Variants in ADK observed in about 807,000 individuals in gnomAD.
ADK encodes N6,N6-dimethyladenosine kinase.
Under a neutral mutation model 44.7 loss-of-function variants are expected in ADK, and 24 were observed. That is an observed-to-expected ratio of 0.54 (90% CI 0.39 to 0.76). The LOEUF is 0.76. ADK is among the 30% of genes least tolerant of loss of function. ADK has a pLI of 0.00. For missense variants in ADK, 321 were observed against 425.1 expected (o/e 0.76, Z 2.15); for synonymous variants, 128 against 142.6 (o/e 0.90, Z 0.73).
intron 7 of ADK, among the ~76,000 whole-genome samples, chr10:74,541,161 C>G (rs1428115278): frequency 1.3e-5 from 2 of 151,986 alleles, no homozygotes; most frequent in Non-Finnish European, 2.9e-5. Flanking sequence ...GTTACAAGTT[C>G]CTGCCACCAT....
chr10:74,428,507 TAAAG>T (rs1439257435), intron 6 of ADK, among the ~76,000 whole-genome samples: 3 of 152,296 alleles, frequency 2.0e-5, no homozygotes, highest in East Asian at 3.9e-4. Context: ...CTGTTGGAAA[TAAAG>T]AACTTTATAA....
chr10:74,236,332 G>A (rs768477278), intron 3 of ADK, among the ~76,000 whole-genome samples: 5 of 152,162 alleles, frequency 3.3e-5, no homozygotes, highest in African/African-American at 4.8e-5. Context: ...AAATTTAACT[G>A]TATTTTCTTC....
intron 4 of ADK, among the ~76,000 whole-genome samples, chr10:74,315,836 G>A (rs903961019): frequency 5.9e-5 from 9 of 152,082 alleles, no homozygotes; most frequent in South Asian, 4.2e-4. Flanking sequence ...TCTTTAAGGC[G>A]GTCATTAATA....
At chr10:74,543,005 A>C (rs1849695511) in intron 7 of ADK, among the ~76,000 whole-genome samples, 1 of 151,338 alleles carries the variant, frequency 6.6e-6, no homozygotes, top group Non-Finnish European at 1.5e-5. Flanking sequence ...GGTTCAAGGG[A>C]TTCTCCTGCC....
At position 74,167,204 on chromosome 10, in the gene ADK, A is replaced by C. The variant is rs917326306; in HGVS notation, c.65+15861A>C. Among the ~76,000 whole-genome samples, 11 of 152,102 alleles carry C rather than the reference A, an allele frequency of 7.2e-5. 1 individual carries two copies. On this transcript the variant is annotated intron_variant, in intron 1 of 10. Transcript: ENST00000539909. Reference sequence around the variant, plus strand: ...AAAAATATAATAGAGATGAGGTCTCACTATGTTGCCCAGGCTGGTCTTGAA... The same window carrying C: ...AAAAATATAATAGAGATGAGGTCTCCCTATGTTGCCCAGGCTGGTCTTGAA...
At chr10:74,269,625 A>G (rs1846350170) in intron 3 of ADK, among the ~76,000 whole-genome samples, 1 of 152,162 alleles carries the variant, frequency 6.6e-6, no homozygotes, top group Admixed American at 6.5e-5. Context: ...ATTGTGTTAT[A>G]TAGGTGTAAA....
chr10:74,348,411 C>A (rs1341898590), intron 4 of ADK, among the ~76,000 whole-genome samples: 3 of 152,102 alleles, frequency 2.0e-5, no homozygotes, highest in African/African-American at 7.2e-5. Flanking sequence ...AGGACCCCCA[C>A]ACAAAAACCC....
chr10:74,158,251 A>G (rs1390663782), intron 1 of ADK, among the ~76,000 whole-genome samples: 1 of 152,332 alleles, frequency 6.6e-6, no homozygotes, highest in East Asian at 1.9e-4. Context: ...TTTAAGTTGG[A>G]GAGACTTGAA....
intron 9 of ADK, chr10:74,641,721 C>T (rs1486327821): frequency 6.6e-6 from 1 of 152,218 alleles, no homozygotes; most frequent in Non-Finnish European, 1.5e-5. Flanking sequence ...AGCTTGCTTT[C>T]ACATAAGCAC....
At chr10:74,608,043 C>T (rs1852396491) in intron 9 of ADK, among the ~76,000 whole-genome samples, 1 of 151,518 alleles carries the variant, frequency 6.6e-6, no homozygotes, top group South Asian at 2.1e-4. Flanking sequence ...TTTGTGTATG[C>T]TTCACGAAGT....
intron 3 of ADK, among the ~76,000 whole-genome samples, chr10:74,302,097 T>TTTTG (rs769629153): frequency 0.022 from 1,373 of 63,740 alleles, 36 homozygotes; most frequent in Admixed American, 0.073. Context: ...TCTGTTTTTT[T>TTTTG]TTTGTTTGTT....
At chr10:74,402,736 CCTT>C (rs1843763543) in intron 6 of ADK, among the ~76,000 whole-genome samples, 2 of 152,294 alleles carry the variant, frequency 1.3e-5, no homozygotes, top group Admixed American at 6.5e-5. Context: ...TCTTTTGAAG[CCTT>C]CTTCTCTCAA....
At chr10:74,435,083 C>T (rs543329768) in intron 6 of ADK, among the ~76,000 whole-genome samples, 7 of 152,158 alleles carry the variant, frequency 4.6e-5, no homozygotes, top group East Asian at 3.9e-4. Context: ...CACATTACAT[C>T]GAGTGAAGAC....
At chr10:74,581,333 A>G (rs749464821) in intron 7 of ADK, among the ~76,000 whole-genome samples, 8 of 152,150 alleles carry the variant, frequency 5.3e-5, no homozygotes, top group Non-Finnish European at 1.2e-4. Context: ...GGCACTACAG[A>G]AGAAAAGATT....
At chr10:74,539,426 C>G (rs1849554975) in intron 7 of ADK, among the ~76,000 whole-genome samples, 2 of 152,132 alleles carry the variant, frequency 1.3e-5, no homozygotes, top group Admixed American at 6.5e-5. Context: ...TCTTTTCTTT[C>G]TTCATATCAG....
intron 1 of ADK, among the ~76,000 whole-genome samples, chr10:74,179,600 C>T (rs1178893346): frequency 6.6e-6 from 1 of 152,156 alleles, no homozygotes; most frequent in Non-Finnish European, 1.5e-5. Context: ...TGACAGTTTA[C>T]AAATGCCATG....
At chr10:74,652,166 C>T (rs1190863770) in intron 9 of ADK, among the ~76,000 whole-genome samples, 5 of 151,448 alleles carry the variant, frequency 3.3e-5, no homozygotes, top group African/African-American at 4.9e-5. Context: ...CTCAGCCTCC[C>T]GAGTACCTGG....
chr10:74,313,313 C>T (rs1840508457), intron 3 of ADK, among the ~76,000 whole-genome samples: 1 of 151,934 alleles, frequency 6.6e-6, no homozygotes, highest in African/African-American at 2.4e-5. Flanking sequence ...CTAATTCCAT[C>T]TTTCTTCTGT....
intron 10 of ADK, among the ~76,000 whole-genome samples, chr10:74,704,317 T>C (rs1856526280): frequency 6.6e-6 from 1 of 152,206 alleles, no homozygotes; most frequent in Non-Finnish European, 1.5e-5. Context: ...CATTTAAAAT[T>C]TGTTAAAATA....
Sources: allele counts gnomAD v4.1 joint callset (sites outside exome capture counted in the v4.1 genomes callset), GRCh38; gene constraint gnomAD v4.1.1; transcripts MANE v1.5; gene names NCBI Gene and HGNC (gene_info 2026-07-23, HGNC 2026-07-21).